The following MLLT10 variants were observed in gnomAD, a reference collection of about 807,000 sequenced individuals.
MLLT10 encodes protein AF-10.
MLLT10 carries 30 observed loss-of-function variants against 129.1 expected under a neutral mutation model. The observed-to-expected ratio is 0.23, with a 90% CI of 0.17 to 0.32. MLLT10 has a LOEUF of 0.32. MLLT10 is among the 10% of genes least tolerant of loss of function. The probability of loss-of-function intolerance (pLI) is 1.00; values close to 1 mark genes in which losing one functional copy is unlikely to be tolerated. For missense variants in MLLT10, 1,119 were observed against 1,268.3 expected (o/e 0.88, Z 1.79); for synonymous variants, 490 against 446.4 (o/e 1.10, Z -1.23).
At chr10:21,733,456 G>A in intron 18 of MLLT10, 48 bp from the exon 19 acceptor site, 2 of 1,184,842 alleles carry the variant, frequency 1.7e-6, no homozygotes, top group South Asian at 1.8e-5. Context: ...TACACATAAT[G>A]TAATTTAATA....
chr10:21,566,306 T>G (rs997238718), intron 3 of MLLT10, among the ~76,000 whole-genome samples: 2 of 151,276 alleles, frequency 1.3e-5, no homozygotes, highest in Non-Finnish European at 2.9e-5. Context: ...TTTACATAGT[T>G]ATAGATGTTG....
rs369797804 is a variant in MLLT10, at chr10:21,612,326, CTTT to C, written c.406-12_406-10del. 2.4e-4 allele frequency: 300 copies of C among 1,239,258 alleles called. No homozygotes were observed. Among genetic ancestry groups the C allele is most frequent in the South Asian group, 3.9e-4 (28 of 70,978 alleles). 76.8% of individuals were successfully genotyped at this position (1,239,258 alleles called of 1,614,324 possible). A position where few individuals can be genotyped will look rare whatever the true frequency, so the allele number is the denominator to read the frequency against. On this transcript the variant is annotated intron_variant, in intron 5 of 22. Transcript: ENST00000307729. ...TGTTAAGAACATGTATGATTTTTGT[CTTT>C]TTTTTTTTTAACCCCAAGACTTGCT...
intron 8 of MLLT10, among the ~76,000 whole-genome samples, chr10:21,629,968 CA>C (rs2131262519): frequency 6.6e-6 from 1 of 151,964 alleles, no homozygotes; most frequent in South Asian, 2.1e-4. Flanking sequence ...TCTCTTAAAA[CA>C]AAAAATTAAA....
intron 20 of MLLT10, among the ~76,000 whole-genome samples, chr10:21,734,753 T>G (rs60907460): frequency 6.3e-4 from 96 of 152,336 alleles, no homozygotes; most frequent in African/African-American, 2.2e-3. Context: ...AAAGGATAGG[T>G]CAAATCAGTG....
rs118152817 is a variant in MLLT10, at chr10:21,637,747, A to G, written c.700-13926A>G. ...TGTAAACTGATCTTGATCCTTAGGT[A>G]TGAGTGTTATGGCAAAGAGGCATTA... On this transcript the variant is annotated intron_variant, in intron 8 of 22. Coordinates refer to ENST00000307729, the MANE Select transcript of MLLT10 (RefSeq NM_001195626.3). Among the ~76,000 whole-genome samples the G allele has an allele frequency of 7.7e-4, 117 of 152,312 alleles. 1 individual carries two copies. In the East Asian group the frequency reaches 0.022, roughly 29 times the overall value.
chr10:21,610,302 A>G (rs2044473258), intron 5 of MLLT10, among the ~76,000 whole-genome samples: 1 of 152,212 alleles, frequency 6.6e-6, no homozygotes, highest in African/African-American at 2.4e-5. Flanking sequence ...AGACACTGGC[A>G]GCCTGGCCGT....
At chr10:21,660,831 T>A (rs1368370819) in intron 9 of MLLT10, among the ~76,000 whole-genome samples, 1 of 142,994 alleles carries the variant, frequency 7.0e-6, no homozygotes, top group Non-Finnish European at 1.5e-5. Flanking sequence ...CAAGATAGCG[T>A]CATTGCGCTC....
intron 3 of MLLT10, among the ~76,000 whole-genome samples, chr10:21,561,922 C>T (rs1440383819): frequency 1.3e-5 from 2 of 152,066 alleles, no homozygotes; most frequent in Non-Finnish European, 2.9e-5. Context: ...TCTCCTGCCT[C>T]AGCCTCCCGA....
intron 3 of MLLT10, among the ~76,000 whole-genome samples, chr10:21,543,446 G>A (rs900615086): frequency 6.6e-6 from 1 of 151,916 alleles, no homozygotes; most frequent in African/African-American, 2.4e-5. Flanking sequence ...AGAGGCAAAA[G>A]CAAAACCTTT....
chr10:21,738,306 T>G, intron 21 of MLLT10: 1 of 864,218 alleles, frequency 1.2e-6, no homozygotes. Context: ...TAAGATGGGA[T>G]CTTGTTTTTT....
chr10:21,713,638 T>C, intron 13 of MLLT10, 134 bp from the exon 14 acceptor site: 1 of 729,614 alleles, frequency 1.4e-6, no homozygotes, highest in Non-Finnish European at 2.1e-6. Context: ...ACTAGCACAA[T>C]ATTTTTTAAA....
Position 21,534,538 on chromosome 10 carries a change from TGCCGG to T in MLLT10, c.-1+26_-1+30del. On this transcript the variant is annotated intron_variant, in intron 1 of 22. Coordinates refer to ENST00000307729, the MANE Select transcript of MLLT10 (RefSeq NM_001195626.3). ...AAGCCCGAGTGAGCGAGCGGTGGGC[TGCCGG>T]GCCGGGCGGGGGGCGCCGGGGCGGG... 1 of 980,076 alleles carries T rather than the reference TGCCGG, an allele frequency of 1.0e-6. No homozygotes were observed. The allele number at this position is 980,076 out of a possible 1,614,324, so 60.7% of individuals were successfully genotyped here.
At position 21,534,263 on chromosome 10, in the gene MLLT10, C is replaced by T. The variant is rs1003738642; in HGVS notation, c.-258C>T. 2 of 399,386 alleles carry T rather than the reference C, an allele frequency of 5.0e-6. No individual in the cohort carries two copies. The highest frequency in any genetic ancestry group is 8.8e-6 in the Non-Finnish European group (2 of 226,532). 24.7% of individuals were successfully genotyped at this position (399,386 alleles called of 1,614,324 possible). A position where few individuals can be genotyped will look rare whatever the true frequency, so the allele number is the denominator to read the frequency against. ...GCCAAGTGACGCTCCGAGGAGGAAG[C>T]GCAGCCCCCTTCCCCTCCCTCGCTG... On this transcript the variant is annotated 5_prime_UTR_variant, in exon 1 of 23. Coordinates refer to ENST00000307729, the MANE Select transcript of MLLT10 (RefSeq NM_001195626.3).
chr10:21,706,329 A>G (rs1442051805), intron 13 of MLLT10, among the ~76,000 whole-genome samples: 1 of 152,208 alleles, frequency 6.6e-6, no homozygotes, highest in Non-Finnish European at 1.5e-5. Context: ...AGGGGTCCTG[A>G]GGACAATATT....
At chr10:21,695,013 C>T (rs1187876711) in intron 13 of MLLT10, among the ~76,000 whole-genome samples, 2 of 151,628 alleles carry the variant, frequency 1.3e-5, no homozygotes, top group Non-Finnish European at 2.9e-5. Flanking sequence ...CCTTCTGCCG[C>T]ATCTCTCACT....
intron 21 of MLLT10, among the ~76,000 whole-genome samples, chr10:21,735,458 G>T (rs2058284978): frequency 1.3e-5 from 2 of 152,186 alleles, no homozygotes; most frequent in Admixed American, 6.5e-5. Context: ...CATAGGCTCT[G>T]GTAACACAGT....
intron 8 of MLLT10, among the ~76,000 whole-genome samples, chr10:21,636,027 T>C (rs186950911): frequency 4.7e-5 from 7 of 149,902 alleles, no homozygotes; most frequent in Non-Finnish European, 7.4e-5. Flanking sequence ...TGTACCCAAA[T>C]TCAGCACTTA....
At chr10:21,628,740 CTTTTTTTTTTTT>C (rs1161362725) in intron 8 of MLLT10, among the ~76,000 whole-genome samples, 15 of 99,352 alleles carry the variant, frequency 1.5e-4, no homozygotes, top group East Asian at 1.1e-3. Context: ...TGTGCCCTGC[CTTTTTTTTTTTT>C]TTTTTTTTTT....
chr10:21,657,669 G>A (rs932645525), intron 9 of MLLT10, among the ~76,000 whole-genome samples: 2 of 152,052 alleles, frequency 1.3e-5, no homozygotes, highest in Non-Finnish European at 2.9e-5. Flanking sequence ...AGCTTTTAAA[G>A]TACAGCTTTT....
Sources: gnomAD v4.1 joint callset for allele counts (sites outside exome capture counted in the v4.1 genomes callset) on GRCh38, gnomAD v4.1.1 for gene constraint, MANE v1.5 for transcripts, NCBI Gene and HGNC (gene_info 2026-07-23, HGNC 2026-07-21) for gene names.